The following GREB1L variants were observed in gnomAD, a reference collection of about 807,000 sequenced individuals.
The protein encoded by GREB1L is GREB1-like protein.
In GREB1L, 17 loss-of-function variants were observed where a neutral mutation model predicts 200.8. That is an observed-to-expected ratio of 0.08 (90% CI 0.06 to 0.13). The LOEUF (loss-of-function observed/expected upper bound fraction) is 0.13. GREB1L is among the 10% of genes least tolerant of loss of function. The pLI is 1.00. For synonymous variants in GREB1L, 789 were observed against 893.0 expected, an observed-to-expected ratio of 0.88 and a Z score of 2.08; for missense variants, 1,657 against 2,367.7, an observed-to-expected ratio of 0.70 and a Z score of 6.23.
chr18:21,496,383 T>A, intron 20 of GREB1L, 71 bp from the exon 21 acceptor site: 1 of 1,493,628 alleles, frequency 6.7e-7, no homozygotes. Context: ...TGCATCCAGA[T>A]CACCAGGCAC....
intron 28 of GREB1L, among the ~76,000 whole-genome samples, chr18:21,515,035 C>T (rs1289596558): frequency 1.3e-5 from 2 of 152,204 alleles, no homozygotes; most frequent in East Asian, 1.9e-4. Context: ...GTCCTTGTTC[C>T]TATTTTGGAT....
Position 21,499,999 on chromosome 18 carries a change from G to A in GREB1L, c.3662G>A (p.Cys1221Tyr), listed in dbSNP as rs934009034. 6.4e-7 allele frequency: 1 copy of A among 1,551,466 alleles called. No homozygotes were observed. The highest frequency in any genetic ancestry group is 8.7e-7 in the Non-Finnish European group (1 of 1,146,978). Residue 1221 changes from cysteine to tyrosine, a missense_variant, in exon 22 of 33, where the codon TGC (cysteine) becomes TAC (tyrosine). Cys to Tyr is a radical substitution (Grantham distance 194, BLOSUM62 -2). Around this residue, in one of 9 missense-constraint regions of GREB1L, gnomAD observed 512 missense variants for 668.3 expected, o/e 0.77. Coordinates refer to ENST00000424526, the MANE Select transcript of GREB1L (RefSeq NM_001142966.3). ...TGGCCGGGACAGCCCATCAGAGGCT[G>A]CCGGGGCCCACAGGCAGCCCTGCCA... ...LPWPGQPIRGCRGPQAALPPV... is the reference protein window; with the variant it reads ...LPWPGQPIRGYRGPQAALPPV...
intron 1 of GREB1L, among the ~76,000 whole-genome samples, chr18:21,276,106 G>T (rs1480827846): frequency 6.6e-6 from 1 of 152,052 alleles, no homozygotes; most frequent in Non-Finnish European, 1.5e-5. Flanking sequence ...ACTTGTCTTG[G>T]GTCAGGTTTT....
intron 1 of GREB1L, among the ~76,000 whole-genome samples, chr18:21,258,540 G>A (rs1179001563): frequency 1.3e-5 from 2 of 152,176 alleles, no homozygotes; most frequent in East Asian, 1.9e-4. Flanking sequence ...ACAGGAGTTG[G>A]GGCAAGGGAG....
chr18:21,444,497 CCT>C (rs2034097502), intron 11 of GREB1L, 88 bp downstream of exon 11: 3 of 1,043,336 alleles, frequency 2.9e-6, no homozygotes, highest in Non-Finnish European at 4.2e-6. Flanking sequence ...CATTTATCCT[CCT>C]ATCTCTTATT....
At position 21,477,334 on chromosome 18, in the gene GREB1L, A is replaced by G. The variant is rs1247335009; in HGVS notation, c.2534A>G (p.His845Arg). ...CGCATTAGCTCTAGCAATGAGGTTC[A>G]CTGGATACAGCTGGATACTGGGGTG... ...QSRISSSNEVHWIQLDTGEDV... is the reference protein window; with the variant it reads ...QSRISSSNEVRWIQLDTGEDV... Residue 845 changes from histidine (H) to arginine (R), a missense_variant, in exon 17 of 33, where the codon CAC becomes CGC. Coordinates refer to ENST00000424526, the MANE Select transcript of GREB1L (RefSeq NM_001142966.3). The G allele has an allele frequency of 1.3e-6, 2 of 1,551,020 alleles. No homozygotes were observed. The highest frequency in any genetic ancestry group is 8.7e-7 in the Non-Finnish European group (1 of 1,146,544).
chr18:21,415,118 AAAG>A (rs1235286171), intron 7 of GREB1L, among the ~76,000 whole-genome samples: 4 of 152,210 alleles, frequency 2.6e-5, no homozygotes, highest in African/African-American at 9.6e-5. Flanking sequence ...AGAGCTGCAC[AAAG>A]AAGAGAGAAA....
intron 11 of GREB1L, among the ~76,000 whole-genome samples, chr18:21,444,912 G>T (rs1483895450): frequency 6.6e-6 from 1 of 151,906 alleles, no homozygotes; most frequent in Non-Finnish European, 1.5e-5. Context: ...GAGTCCCATC[G>T]TGCTTTCCAT....
chr18:21,406,129 C>G (rs1292953243), intron 7 of GREB1L, among the ~76,000 whole-genome samples: 1 of 150,252 alleles, frequency 6.7e-6, no homozygotes, highest in Non-Finnish European at 1.5e-5. Context: ...ATGTAAATAA[C>G]CAGTTGTACC....
intron 1 of GREB1L, among the ~76,000 whole-genome samples, chr18:21,246,238 G>A (rs2037599788): frequency 6.6e-6 from 1 of 152,068 alleles, no homozygotes; most frequent in Non-Finnish European, 1.5e-5. Flanking sequence ...TTACTAAGAT[G>A]TAAAATGGGT....
chr18:21,376,196 T>C (rs1267096722), intron 2 of GREB1L, among the ~76,000 whole-genome samples: 1 of 151,998 alleles, frequency 6.6e-6, no homozygotes, highest in Non-Finnish European at 1.5e-5. Flanking sequence ...CTCGGCTCAC[T>C]GCAACCTCCA....
At chr18:21,435,648 G>A (rs2040011709) in intron 7 of GREB1L, among the ~76,000 whole-genome samples, 1 of 152,134 alleles carries the variant, frequency 6.6e-6, no homozygotes, top group Non-Finnish European at 1.5e-5. Flanking sequence ...AAGAAGGGAA[G>A]GGGGAAAAGC....
intron 19 of GREB1L, among the ~76,000 whole-genome samples, chr18:21,491,571 G>T (rs914587577): frequency 6.6e-6 from 1 of 152,040 alleles, no homozygotes; most frequent in African/African-American, 2.4e-5. Context: ...AAATTAGCCA[G>T]GTGTGGTGGC....
intron 1 of GREB1L, among the ~76,000 whole-genome samples, chr18:21,346,142 G>A (rs77525889): frequency 0.024 from 3,676 of 152,142 alleles, 154 homozygotes; most frequent in African/African-American, 0.084. Flanking sequence ...CAGAAACCTC[G>A]ACGTCCTCCT....
chr18:21,294,897 A>G (rs78902547), intron 1 of GREB1L, among the ~76,000 whole-genome samples: 62 of 152,140 alleles, frequency 4.1e-4, no homozygotes, highest in Non-Finnish European at 7.4e-4. Flanking sequence ...TCTTCACAAT[A>G]TGTCTTTCAA....
intron 1 of GREB1L, among the ~76,000 whole-genome samples, chr18:21,263,656 A>G (rs780081379): frequency 6.6e-6 from 1 of 152,166 alleles, no homozygotes; most frequent in Non-Finnish European, 1.5e-5. Context: ...ATCTGTTGTC[A>G]TATATCTGCA....
chr18:21,495,821 T>C (rs1194992345), intron 20 of GREB1L, 36 bp downstream of exon 20: 5 of 1,181,092 alleles, frequency 4.2e-6, no homozygotes, highest in African/African-American at 1.5e-5. Flanking sequence ...TTTTCATCAG[T>C]TGCCCAGCTG....
intron 1 of GREB1L, among the ~76,000 whole-genome samples, chr18:21,309,530 C>G (rs1338582636): frequency 1.3e-5 from 2 of 152,158 alleles, no homozygotes; most frequent in Non-Finnish European, 2.9e-5. Context: ...CTGCACGATG[C>G]TGTTTGAGTG....
chr18:21,255,849 C>T (rs1172645080), intron 1 of GREB1L, among the ~76,000 whole-genome samples: 4 of 152,010 alleles, frequency 2.6e-5, no homozygotes, highest in Admixed American at 6.6e-5. Context: ...TCCAAAACAT[C>T]GAATATAAAA....
Sources: gnomAD v4.1 joint callset for allele counts (sites outside exome capture counted in the v4.1 genomes callset) on GRCh38, gnomAD v4.1.1 for gene constraint, gnomAD v4.1.1 regional missense constraint, MANE v1.5 for transcripts, NCBI Gene and HGNC (gene_info 2026-07-23, HGNC 2026-07-21) for gene names.